Variants in TRPC5 observed in about 807,000 individuals in gnomAD.
TRPC5 encodes short transient receptor potential channel 5.
TRPC5 carries 9 observed loss-of-function variants against 56.5 expected under a neutral mutation model. The observed-to-expected ratio is 0.16, with a 90% CI of 0.10 to 0.28. The LOEUF is 0.28. Ranked by LOEUF, TRPC5 falls within the 10% of genes least tolerant of loss-of-function variation. TRPC5 has a pLI of 1.00. For missense variants in TRPC5, 469 were observed against 748.9 expected (o/e 0.63, Z 4.36); for synonymous variants, 282 against 278.5 (o/e 1.01, Z -0.13).
intron 1 of TRPC5, among the ~76,000 whole-genome samples, chrX:112,064,136 T>A (rs6642982): frequency 9.0e-6 from 1 of 111,458 alleles, no homozygotes; most frequent in African/African-American, 3.3e-5. Flanking sequence ...AACAATGAAG[T>A]ATTGGAAACT....
rs931330437 is a variant in TRPC5 at position 111,870,715 on chromosome X, C to T, written c.901-16609G>A. On this transcript the variant is annotated intron_variant, in intron 3 of 10. Coordinates refer to ENST00000262839, the MANE Select transcript of TRPC5 (RefSeq NM_012471.3). ...GTGGGCTTGGTGATCATGATATCTC[C>T]CCTGCCAGGTGAGTATTGCTCACCT... Among the ~76,000 whole-genome samples the T allele has an allele frequency of 3.6e-5, 4 of 111,221 alleles. 1 individual carries two copies. The highest frequency in any genetic ancestry group is 7.5e-5 in the Non-Finnish European group (4 of 53,036).
intron 2 of TRPC5, among the ~76,000 whole-genome samples, chrX:111,944,800 A>T (rs1160323143): frequency 8.9e-6 from 1 of 111,770 alleles, no homozygotes; most frequent in Admixed American, 9.5e-5. Context: ...GCAGAGGATT[A>T]TCAGCAACCA....
At chrX:112,070,749 G>GCC (rs112880715) in intron 1 of TRPC5, among the ~76,000 whole-genome samples, 4 of 101,449 alleles carry the variant, frequency 3.9e-5, no homozygotes, top group African/African-American at 1.5e-4. Context: ...ACTGAAAACT[G>GCC]CCCCCCCCCA....
intron 5 of TRPC5, 45 bp downstream of exon 5, chrX:111,852,253 A>G (rs1257314085): frequency 2.5e-6 from 3 of 1,177,263 alleles, no homozygotes; most frequent in East Asian, 3.0e-5. Context: ...AGCTTAATGT[A>G]GCCAAAATCG....
At chrX:111,782,572 C>T (rs1050444856) in intron 7 of TRPC5, among the ~76,000 whole-genome samples, 14 of 111,027 alleles carry the variant, frequency 1.3e-4, no homozygotes, top group Non-Finnish European at 2.1e-4. Flanking sequence ...GTACAGTGAT[C>T]CCATTTATAC....
At position 112,023,384 on chromosome X, in the gene TRPC5, C is replaced by T. The variant is rs113136074; in HGVS notation, c.-22+58495G>A. Reference sequence around the variant, plus strand: ...GAAATCTGTTTCCAACCTCCAGCCTCTTGTGGGTTTCTCACAGTCCTTGGC... The same window carrying T: ...GAAATCTGTTTCCAACCTCCAGCCTTTTGTGGGTTTCTCACAGTCCTTGGC... On this transcript the variant is annotated intron_variant, in intron 1 of 10. Transcript: ENST00000262839. 5.6e-3 allele frequency among the ~76,000 whole-genome samples: 595 copies of T among 105,614 alleles called. 2 individuals are homozygous for T. The highest frequency in any genetic ancestry group is 0.019 in the African/African-American group (553 of 28,576). The allele number at this position is 105,614 out of a possible 115,157, so 91.7% of individuals were successfully genotyped here.
chrX:111,965,487 A>C (rs867650191), intron 1 of TRPC5, among the ~76,000 whole-genome samples: 7 of 111,960 alleles, frequency 6.3e-5, no homozygotes, highest in Admixed American at 1.9e-4. Flanking sequence ...ATAGACATCT[A>C]CAGAACTCTC....
rs3027760 is a variant in TRPC5, at chrX:111,770,637, C to A, written c.*5676G>T. Reference sequence around the variant, plus strand: ...ACTTCAAAAGCTTTTCCAACTGTCTCTTTACTACACTATCACCATCTAAGT... The same window carrying A: ...ACTTCAAAAGCTTTTCCAACTGTCTATTTACTACACTATCACCATCTAAGT... On this transcript the variant is annotated 3_prime_UTR_variant, in exon 11 of 11. Transcript: ENST00000262839. Among the ~76,000 whole-genome samples, 10,171 of 111,335 alleles carry A rather than the reference C, an allele frequency of 0.091. 1,095 individuals are homozygous for A. The highest frequency in any genetic ancestry group is 0.3 in the African/African-American group (9,278 of 30,483).
At chrX:111,880,159 G>T (rs1340665829) in intron 3 of TRPC5, among the ~76,000 whole-genome samples, 1 of 109,311 alleles carries the variant, frequency 9.1e-6, no homozygotes, top group Non-Finnish European at 1.9e-5. Context: ...TATCACATCT[G>T]TCCTTGCCCT....
chrX:112,064,666 A>C (rs935352917), intron 1 of TRPC5, among the ~76,000 whole-genome samples: 1 of 112,264 alleles, frequency 8.9e-6, no homozygotes, highest in Admixed American at 9.4e-5. Flanking sequence ...TAATCTCTCT[A>C]CTGAAAAGTT....
Position 111,853,837 on chromosome X carries a change from C to A in TRPC5, c.1170G>T (p.Arg390Ser), listed in dbSNP as rs1923152580. ...MLLLASQHIV[R>S]TDLHVQGPPP... ...GAGGCCCCTGTACATGAAGGTCTGT[C>A]CTGACAATGTGCTGAGAAGCCAGGA... The change falls in exon 4 of 11, where the codon AGG becomes AGT. Residue 390 changes from arginine (R) to serine (S), a missense_variant. Arg to Ser is a moderately radical substitution (Grantham distance 110). Transcript: ENST00000262839. 1 of 1,211,913 alleles carries A rather than the reference C, an allele frequency of 8.3e-7. No individual in the cohort carries two copies. Among genetic ancestry groups the A allele is most frequent in the Non-Finnish European group, 1.1e-6 (1 of 895,584 alleles).
At chrX:112,042,779 T>C (rs753441805) in intron 1 of TRPC5, among the ~76,000 whole-genome samples, 1 of 109,711 alleles carries the variant, frequency 9.1e-6, no homozygotes, top group African/African-American at 3.3e-5. Flanking sequence ...TCAAACTCTC[T>C]ACCTTTAAGA....
intron 1 of TRPC5, among the ~76,000 whole-genome samples, chrX:112,023,158 T>G (rs1021442712): frequency 9.4e-6 from 1 of 106,903 alleles, no homozygotes; most frequent in African/African-American, 3.4e-5. Flanking sequence ...ATGGACTCGA[T>G]CTCCTGACCT....
chrX:111,958,829 A>G (rs184979371), intron 1 of TRPC5, among the ~76,000 whole-genome samples: 14 of 112,583 alleles, frequency 1.2e-4, no homozygotes, highest in African/African-American at 4.5e-4. Context: ...GACTTGTTAC[A>G]TACAAGTGAT....
chrX:111,924,341 T>C (rs1184859624), intron 2 of TRPC5, among the ~76,000 whole-genome samples: 7 of 110,598 alleles, frequency 6.3e-5, no homozygotes, highest in Non-Finnish European at 1.1e-4. Context: ...ATGAACTCAG[T>C]TGGGTCTAAG....
intron 7 of TRPC5, among the ~76,000 whole-genome samples, chrX:111,804,204 G>A (rs2035861255): frequency 8.9e-6 from 1 of 111,783 alleles, no homozygotes; most frequent in South Asian, 3.7e-4. Context: ...TGTTCCATTG[G>A]TCTATATCTC....
In TRPC5 at chrX:111,772,533, A is replaced by T. The variant is rs1038493959; in HGVS notation, c.*3780T>A. Reference sequence around the variant, plus strand: ...ACTGCAACCTCTGCCTCCCAGGTTCAAGTGATTCTCATGCCTCAGCCTCTC... The same window carrying T: ...ACTGCAACCTCTGCCTCCCAGGTTCTAGTGATTCTCATGCCTCAGCCTCTC... On this transcript the variant is annotated 3_prime_UTR_variant, in exon 11 of 11. Coordinates refer to ENST00000262839, the MANE Select transcript of TRPC5 (RefSeq NM_012471.3). Among the ~76,000 whole-genome samples the T allele has an allele frequency of 3.6e-5, 4 of 111,478 alleles. No individual in the cohort carries two copies. Among genetic ancestry groups the T allele is most frequent in the African/African-American group, 1.3e-4 (4 of 30,638 alleles).
At chrX:111,917,733 C>A (rs1484547086) in intron 2 of TRPC5, among the ~76,000 whole-genome samples, 1 of 112,384 alleles carries the variant, frequency 8.9e-6, no homozygotes, top group Non-Finnish European at 1.9e-5. Flanking sequence ...TCACAAGTGG[C>A]TCCACCTATC....
intron 7 of TRPC5, among the ~76,000 whole-genome samples, chrX:111,794,371 A>G (rs1056858658): frequency 9.0e-6 from 1 of 111,410 alleles, no homozygotes; most frequent in Non-Finnish European, 1.9e-5. Context: ...GAAATTAGGT[A>G]GCGCAATTCC....
Sources: allele counts gnomAD v4.1 joint callset (sites outside exome capture counted in the v4.1 genomes callset), GRCh38; gene constraint gnomAD v4.1.1; transcripts MANE v1.5; gene names NCBI Gene and HGNC (gene_info 2026-07-23, HGNC 2026-07-21).